Variants in NAV3 observed in about 807,000 individuals in gnomAD.
NAV3 encodes the protein neuron navigator 3, also known as pore membrane and/or filament interacting like protein 1.
Under a neutral mutation model 244.7 loss-of-function variants are expected in NAV3, and 87 were observed. The observed-to-expected ratio is 0.36, with a 90% CI of 0.30 to 0.42. NAV3 has a LOEUF of 0.42. Among genes scored for constraint, NAV3 ranks in the 20% least tolerant of loss-of-function variants. The pLI, the probability that NAV3 is intolerant of heterozygous loss-of-function variation, is 1.00. For synonymous variants in NAV3, 1,126 were observed against 1,042.2 expected, an observed-to-expected ratio of 1.08 and a Z score of -1.55; for missense variants, 2,663 against 2,893.3, an observed-to-expected ratio of 0.92 and a Z score of 1.83.
chr12:78,169,826 T>C (rs1957930637), intron 24 of NAV3, among the ~76,000 whole-genome samples: 1 of 151,784 alleles, frequency 6.6e-6, no homozygotes, highest in Non-Finnish European at 1.5e-5. Context: ...GGAAACAGCA[T>C]TTGATGCTGA....
intron 12 of NAV3, among the ~76,000 whole-genome samples, chr12:78,099,306 A>G (rs1954420971): frequency 6.6e-6 from 1 of 151,716 alleles, no homozygotes; most frequent in African/African-American, 2.4e-5. Context: ...AATAATTATA[A>G]GGTAATATGA....
At chr12:78,154,303 A>AG (rs1957205246) in intron 22 of NAV3, among the ~76,000 whole-genome samples, 7 of 140,496 alleles carry the variant, frequency 5.0e-5, no homozygotes, top group Admixed American at 3.1e-4. Context: ...ATATTACTAT[A>AG]TAATATATAG....
chr12:78,022,044 A>G (rs17221899), intron 9 of NAV3, among the ~76,000 whole-genome samples, 182 bp downstream of exon 9: 9,060 of 152,246 alleles, frequency 0.06, 399 homozygotes, highest in Non-Finnish European at 0.091. Context: ...CTTTGTTACT[A>G]TAAAAGGAAT....
intron 23 of NAV3, among the ~76,000 whole-genome samples, chr12:78,163,920 A>G (rs1342935785): frequency 6.6e-6 from 1 of 152,096 alleles, no homozygotes; most frequent in East Asian, 1.9e-4. Context: ...ATATGTGCTG[A>G]AATAACTTCT....
At chr12:78,111,266 A>T (rs894233059) in intron 12 of NAV3, among the ~76,000 whole-genome samples, 2 of 152,086 alleles carry the variant, frequency 1.3e-5, no homozygotes, top group Non-Finnish European at 2.9e-5. Context: ...TAAAATACTA[A>T]TCCAGTATCA....
chr12:77,874,846 A>G (rs1438264610), intron 1 of NAV3, among the ~76,000 whole-genome samples: 1 of 150,016 alleles, frequency 6.7e-6, no homozygotes, highest in Non-Finnish European at 1.5e-5. Flanking sequence ...ACCTGGATCA[A>G]TAAAATATTA....
At chr12:77,808,212 C>G (rs1024197681) in intron 2 of NAV3, among the ~76,000 whole-genome samples, 2 of 152,040 alleles carry the variant, frequency 1.3e-5, no homozygotes, top group Non-Finnish European at 2.9e-5. Context: ...CAGTTTTGTT[C>G]CCTTGCTGGT....
chr12:77,721,099 A>G (rs1022290483), intron 2 of NAV3, among the ~76,000 whole-genome samples: 8 of 152,032 alleles, frequency 5.3e-5, no homozygotes, highest in Non-Finnish European at 1.2e-4. Flanking sequence ...CCATATCTGG[A>G]CCCAGTGGAC....
intron 8 of NAV3, among the ~76,000 whole-genome samples, chr12:78,010,040 C>T (rs1874991261): frequency 6.6e-6 from 1 of 152,076 alleles, no homozygotes; most frequent in Non-Finnish European, 1.5e-5. Flanking sequence ...CAGAGCAAGA[C>T]CCTGTTTCTA....
At chr12:78,203,782 A>G (rs543924101) in intron 38 of NAV3, among the ~76,000 whole-genome samples, 3 of 151,450 alleles carry the variant, frequency 2.0e-5, no homozygotes, top group African/African-American at 4.9e-5. Flanking sequence ...AAGTGTCCCT[A>G]TGTTACTGCC....
intron 39 of NAV3, among the ~76,000 whole-genome samples, chr12:78,205,717 T>C (rs946696177): frequency 2.0e-5 from 3 of 152,016 alleles, no homozygotes; most frequent in Non-Finnish European, 4.4e-5. Context: ...AAATTTTAAG[T>C]ATGTAGTATT....
chr12:78,018,854 C>A (rs898383785), intron 8 of NAV3, among the ~76,000 whole-genome samples: 3 of 152,032 alleles, frequency 2.0e-5, no homozygotes, highest in Non-Finnish European at 4.4e-5. Context: ...CGTTCAGAGA[C>A]AATAGGTTAG....
intron 16 of NAV3, among the ~76,000 whole-genome samples, chr12:78,126,867 C>T (rs2138799871): frequency 6.6e-6 from 1 of 152,178 alleles, no homozygotes; most frequent in South Asian, 2.1e-4. Flanking sequence ...GAAGGAAAAA[C>T]TAAGATAGTA....
intron 2 of NAV3, among the ~76,000 whole-genome samples, chr12:77,637,709 G>T (rs1416594356): frequency 6.6e-6 from 1 of 152,080 alleles, no homozygotes; most frequent in Non-Finnish European, 1.5e-5. Flanking sequence ...TATGCTAAAT[G>T]CTGCCTCTCA....
At chr12:77,918,557 C>T (rs1038814182) in intron 1 of NAV3, among the ~76,000 whole-genome samples, 1 of 152,024 alleles carries the variant, frequency 6.6e-6, no homozygotes, top group Non-Finnish European at 1.5e-5. Context: ...TCTATTTGGG[C>T]TGAGTTCATC....
At position 78,179,571 on chromosome 12, in the gene NAV3, G is replaced by T. The variant is rs1231054412; in HGVS notation, c.5406G>T (p.Gln1802His). ...CTEAEAEIIL[Q>H]LKSELREKEL... ...AAGCTGAGGCAGAGATAATTCTGCA[G>T]CTGAAGAGCGAGCTCAGAGAAAAGG... Residue 1802 changes from glutamine to histidine, a missense_variant, in exon 29 of 40, where the codon CAG becomes CAT. Around this residue, in one of 6 missense-constraint regions of NAV3, gnomAD observed 193 missense variants for 200.7 expected, o/e 0.96. Transcript: ENST00000397909. 1.9e-6 allele frequency: 3 copies of T among 1,613,238 alleles called. No homozygotes were observed. Among genetic ancestry groups the T allele is most frequent in the Non-Finnish European group, 2.5e-6 (3 of 1,179,540 alleles).
Position 77,831,338 on chromosome 12 carries a change from T to TA in NAV3, c.-119dup. On this transcript the variant is annotated 5_prime_UTR_variant, in exon 1 of 40. Transcript: ENST00000397909. ...CCTGAAAATTATATTATTAGCTTTTTAAAAATCAGGATGACTGCTAGTTTT... is the reference window on the plus strand; with the variant it reads ...CCTGAAAATTATATTATTAGCTTTTTAAAAAATCAGGATGACTGCTAGTTTT... The TA allele has an allele frequency of 9.5e-7, 1 of 1,050,904 alleles. No individual in the cohort carries two copies. The highest frequency in any genetic ancestry group is 2.5e-5 in the South Asian group (1 of 39,776). The allele number at this position is 1,050,904 out of a possible 1,614,324, so 65.1% of individuals were successfully genotyped here. A position where few individuals can be genotyped will look rare whatever the true frequency, so the allele number is the denominator to read the frequency against.
chr12:77,887,273 T>C (rs1371640477), intron 1 of NAV3, among the ~76,000 whole-genome samples: 2 of 152,138 alleles, frequency 1.3e-5, no homozygotes, highest in Non-Finnish European at 2.9e-5. Flanking sequence ...ATGGAAGACT[T>C]AGATCCCTTA....
chr12:77,952,678 A>C (rs528321450), intron 3 of NAV3, among the ~76,000 whole-genome samples: 1 of 152,088 alleles, frequency 6.6e-6, no homozygotes, highest in East Asian at 1.9e-4. Flanking sequence ...TGCTCTTTCT[A>C]AAAAAAATTA....
Sources: gnomAD v4.1 joint callset for allele counts (sites outside exome capture counted in the v4.1 genomes callset) on GRCh38, gnomAD v4.1.1 for gene constraint, gnomAD v4.1.1 regional missense constraint, MANE v1.5 for transcripts, NCBI Gene and HGNC (gene_info 2026-07-23, HGNC 2026-07-21) for gene names.